Variants in PTPRN2 observed in about 807,000 individuals in gnomAD.
PTPRN2 encodes receptor-type tyrosine-protein phosphatase N2.
PTPRN2 carries 74 observed loss-of-function variants against 118.8 expected under a neutral mutation model. That is an observed-to-expected ratio of 0.62 (90% confidence interval 0.52 to 0.76). The LOEUF is 0.76. PTPRN2 is among the 30% of genes least tolerant of loss of function. The pLI is 0.00. For synonymous variants in PTPRN2, 641 were observed against 608.0 expected, an observed-to-expected ratio of 1.05 and a Z score of -0.80; for missense variants, 1,481 against 1,394.4, an observed-to-expected ratio of 1.06 and a Z score of -0.99.
At chr7:157,659,098 C>T (rs1795751118) in intron 13 of PTPRN2, among the ~76,000 whole-genome samples, 1 of 151,754 alleles carries the variant, frequency 6.6e-6, no homozygotes, top group South Asian at 2.1e-4. Flanking sequence ...CCACCGGCAC[C>T]ACACCATCTA....
At chr7:157,910,492 T>C (rs1798038352) in intron 11 of PTPRN2, among the ~76,000 whole-genome samples, 1 of 150,668 alleles carries the variant, frequency 6.6e-6, no homozygotes, top group Non-Finnish European at 1.5e-5. Flanking sequence ...GGGTCCAGGA[T>C]CACGCATGTA....
At chr7:157,809,474 G>A (rs73746630) in intron 12 of PTPRN2, among the ~76,000 whole-genome samples, 7,619 of 152,216 alleles carry the variant, frequency 0.05, 705 homozygotes, top group African/African-American at 0.17. Flanking sequence ...AGGCACTGTG[G>A]CGAGCAGAAC....
At chr7:157,894,751 G>A (rs1797004226) in intron 12 of PTPRN2, among the ~76,000 whole-genome samples, 1 of 152,152 alleles carries the variant, frequency 6.6e-6, no homozygotes, top group Non-Finnish European at 1.5e-5. Context: ...CCAGGACCTT[G>A]AGGACCTGCC....
rs753516032 is a variant in PTPRN2, at chr7:158,548,293, G to A, written c.112+39265C>T. ...GAACGGCCCTGATCCAAGAGCAGCC[G>A]GCCCCGATTGTCTTTGGTTACCAGG... is the stretch of plus-strand genomic sequence containing the variant. On this transcript the variant is annotated intron_variant, in intron 1 of 22. Coordinates refer to ENST00000389418, the MANE Select transcript of PTPRN2 (RefSeq NM_002847.5). 1.3e-4 allele frequency among the ~76,000 whole-genome samples: 20 copies of A among 152,292 alleles called. 1 individual carries two copies. The highest frequency in any genetic ancestry group is 3.9e-4 in the East Asian group (2 of 5,182).
In PTPRN2 at chr7:158,114,803, G is replaced by A. The variant is rs187652558; in HGVS notation, c.1557-3888C>T. Among the ~76,000 whole-genome samples the A allele has an allele frequency of 6.6e-4, 101 of 152,294 alleles. 2 individuals carry two copies. Among genetic ancestry groups the A allele is most frequent in the Middle Eastern group, 3.4e-3 (1 of 294 alleles). On this transcript the variant is annotated intron_variant, in intron 9 of 22. Coordinates refer to ENST00000389418, the MANE Select transcript of PTPRN2 (RefSeq NM_002847.5). ...TACCACAGGGCTGAGAGAATGGATC[G>A]TGTTACTAGTCTAAGGCACAGAGCG...
intron 2 of PTPRN2, among the ~76,000 whole-genome samples, chr7:158,436,533 G>T (rs1816584219): frequency 8.7e-6 from 1 of 114,816 alleles, no homozygotes; most frequent in Non-Finnish European, 1.8e-5. Context: ...CTCGAGTTCT[G>T]TCTGTCTTTT....
In PTPRN2 at chr7:157,610,422, C is replaced by T. The variant is rs111710579; in HGVS notation, c.2345-6347G>A. ...GGTGTGGCCTGTGGAGAGGTGGAGCCGGTGTCTTGCTCCTAGAGGGAGTCC... is the reference window on the plus strand; with the variant it reads ...GGTGTGGCCTGTGGAGAGGTGGAGCTGGTGTCTTGCTCCTAGAGGGAGTCC... On this transcript the variant is annotated intron_variant, in intron 15 of 22. Transcript: ENST00000389418. This position sits in a 1 kb window ranked among gnomAD's most constrained non-coding sequence, Gnocchi z 5.1. 2.9e-4 allele frequency among the ~76,000 whole-genome samples: 44 copies of T among 152,314 alleles called. No individual in the cohort carries two copies. Among genetic ancestry groups the T allele is most frequent in the African/African-American group, 1.0e-3 (43 of 41,568 alleles).
intron 22 of PTPRN2, among the ~76,000 whole-genome samples, chr7:157,541,468 C>T (rs769480107): frequency 3.3e-5 from 5 of 152,244 alleles, no homozygotes; most frequent in Non-Finnish European, 5.9e-5. Context: ...GACGGGTTCA[C>T]GATGCCAGGA....
At chr7:158,524,363 A>ATCTGCCCTGGAGTGGAG (rs1273600270) in intron 1 of PTPRN2, among the ~76,000 whole-genome samples, 1 of 21,430 alleles carries the variant, frequency 4.7e-5, no homozygotes, top group East Asian at 5.3e-3. Flanking sequence ...GAGTGGAGTC[A>ATCTGCCCTGGAGTGGAG]TCTGCCCTGG....
chr7:157,596,269 C>T lies in PTPRN2; in HGVS notation c.2419-954G>A, dbSNP rs996999031. On this transcript the variant is annotated intron_variant, in intron 16 of 22. Transcript: ENST00000389418. The surrounding 1 kb of genome is among the most constrained non-coding windows in gnomAD (Gnocchi z 4.2). The stretch of plus-strand genomic sequence containing the variant: ...CCTGGAAAGGGGGCACAGGCACAGC[C>T]GGTCAGCCTGGGCCTGGGTCTGTGG... Among the ~76,000 whole-genome samples the T allele has an allele frequency of 5.3e-5, 8 of 152,162 alleles. No homozygotes were observed. Among genetic ancestry groups the T allele is most frequent in the East Asian group, 1.9e-4 (1 of 5,192 alleles).
At position 157,619,123 on chromosome 7, in the gene PTPRN2, C is replaced by T. The variant is rs987253017; in HGVS notation, c.2344+2239G>A. Among the ~76,000 whole-genome samples, 5 of 152,020 alleles carry T rather than the reference C, an allele frequency of 3.3e-5. No individual in the cohort carries two copies. Among genetic ancestry groups the T allele is most frequent in the Admixed American group, 1.3e-4 (2 of 15,278 alleles). Reference sequence around the variant, plus strand: ...TTCACCATCACTAGGTCCCTCGCCCCCAACCCCCCCATCCACACTGTACAG... The same window carrying T: ...TTCACCATCACTAGGTCCCTCGCCCTCAACCCCCCCATCCACACTGTACAG... On this transcript the variant is annotated intron_variant, in intron 15 of 22. Transcript: ENST00000389418. The surrounding 1 kb of genome is among the most constrained non-coding windows in gnomAD (Gnocchi z 5.3).
chr7:158,551,472 G>C (rs1826649011), intron 1 of PTPRN2, among the ~76,000 whole-genome samples: 1 of 150,682 alleles, frequency 6.6e-6, no homozygotes, highest in Non-Finnish European at 1.5e-5. Context: ...ATCTGGAGTG[G>C]GGCTCTAACA....
chr7:158,430,284 G>A (rs1412700051), intron 2 of PTPRN2, among the ~76,000 whole-genome samples: 1 of 152,216 alleles, frequency 6.6e-6, no homozygotes, highest in African/African-American at 2.4e-5. Context: ...TTGAAAGTGG[G>A]CTAAAGAGTG....
At chr7:158,545,411 C>G (rs912373110) in intron 1 of PTPRN2, among the ~76,000 whole-genome samples, 5 of 152,220 alleles carry the variant, frequency 3.3e-5, no homozygotes, top group Admixed American at 2.0e-4. Context: ...ATTCCTGTTA[C>G]CATTTTCTCG....
rs533997206 is a variant in PTPRN2, at chr7:158,408,421, GAGA to G, written c.163+81311_163+81313del. 3.9e-5 allele frequency among the ~76,000 whole-genome samples: 6 copies of G among 152,314 alleles called. No individual in the cohort carries two copies. The South Asian group carries it at 1.0e-3, about 26-fold the overall frequency. Reference sequence around the variant, plus strand: ...TGGAATTTTTCAAATAGACTTTTAAGAGAAGAAGAGGAAGAAGAAGAAAACCGT... The same window carrying G: ...TGGAATTTTTCAAATAGACTTTTAAGAGAAGAGGAAGAAGAAGAAAACCGT... On this transcript the variant is annotated intron_variant, in intron 2 of 22. Transcript: ENST00000389418.
At chr7:158,409,629 A>C (rs1813874170) in intron 2 of PTPRN2, among the ~76,000 whole-genome samples, 1 of 152,174 alleles carries the variant, frequency 6.6e-6, no homozygotes, top group African/African-American at 2.4e-5. Context: ...CTCTATGTGA[A>C]CCAAAGGGTG....
chr7:157,712,214 C>A lies in PTPRN2; in HGVS notation c.1789-29277G>T, dbSNP rs1798682000. On this transcript the variant is annotated intron_variant, in intron 12 of 22. Transcript: ENST00000389418. ...AATGCGGGTCTGGGGTTGCTCAGAT[C>A]TTTGATTAAGAAAATAGAAATCAGG... is the stretch of plus-strand genomic sequence containing the variant. 2.0e-5 allele frequency among the ~76,000 whole-genome samples: 3 copies of A among 152,088 alleles called. No homozygotes were observed. In the South Asian group the frequency reaches 6.2e-4, roughly 31 times the overall value.
chr7:158,272,329 G>A (rs569071930), intron 3 of PTPRN2, among the ~76,000 whole-genome samples: 21 of 152,302 alleles, frequency 1.4e-4, no homozygotes, highest in African/African-American at 4.1e-4. Context: ...GCAACTGCCC[G>A]GTACCAACGG....
At chr7:157,554,913 C>T (rs935826342) in intron 21 of PTPRN2, among the ~76,000 whole-genome samples, 1 of 149,356 alleles carries the variant, frequency 6.7e-6, no homozygotes. Flanking sequence ...TTGTCCATGT[C>T]GGGAATCTAC....
Sources: allele counts gnomAD v4.1 joint callset (sites outside exome capture counted in the v4.1 genomes callset), GRCh38; gene constraint gnomAD v4.1.1; non-coding constraint Gnocchi (gnomAD v3.1); transcripts MANE v1.5; gene names NCBI Gene and HGNC (gene_info 2026-07-23, HGNC 2026-07-21).